Variants in GPHN observed in about 807,000 individuals in gnomAD.
The protein encoded by GPHN is gephyrin.
Under a neutral mutation model 95.5 loss-of-function variants are expected in GPHN, and 17 were observed. The observed-to-expected ratio is 0.18, with a 90% CI of 0.12 to 0.27. GPHN has a LOEUF of 0.27. Among genes scored for constraint, GPHN ranks in the 10% least tolerant of loss-of-function variants. The pLI is 1.00. For synonymous variants in GPHN, 320 were observed against 322.5 expected, an observed-to-expected ratio of 0.99 and a Z score of 0.08; for missense variants, 660 against 978.1, an observed-to-expected ratio of 0.67 and a Z score of 4.34.
At chr14:67,586,417 C>T in the GPHN span, 1 of 1,335,314 alleles carries the variant, frequency 7.5e-7, no homozygotes, top group Non-Finnish European at 9.8e-7. Flanking sequence ...TCTTCTCTTC[C>T]TTGCAGCAGT....
intron 5 of GPHN, among the ~76,000 whole-genome samples, chr14:66,894,323 A>T (rs974339836): frequency 2.0e-5 from 3 of 152,214 alleles, no homozygotes; most frequent in African/African-American, 7.2e-5. Flanking sequence ...AGTAAGCTGA[A>T]ACTGGATCCC....
chr14:67,561,935 C>G, the GPHN span: 1 of 1,590,470 alleles, frequency 6.3e-7, no homozygotes, highest in Non-Finnish European at 8.6e-7. Flanking sequence ...CCTAAATCTT[C>G]ATTTTTCTTT....
the GPHN span, among the ~76,000 whole-genome samples, chr14:67,711,823 C>G: frequency 6.6e-6 from 1 of 152,148 alleles, no homozygotes; most frequent in Non-Finnish European, 1.5e-5. Flanking sequence ...TCTGATGGTT[C>G]TAGAGGGAGA....
At chr14:66,775,715 A>G (rs897825798) in intron 2 of GPHN, among the ~76,000 whole-genome samples, 1 of 152,186 alleles carries the variant, frequency 6.6e-6, no homozygotes, top group African/African-American at 2.4e-5. Flanking sequence ...TAAATTAGAT[A>G]ATATATGATA....
At chr14:67,660,592 C>T in the GPHN span, among the ~76,000 whole-genome samples, 1 of 152,128 alleles carries the variant, frequency 6.6e-6, no homozygotes, top group Non-Finnish European at 1.5e-5. Flanking sequence ...TCTCCTGCTC[C>T]TCTTTCTGAA....
At chr14:67,526,696 A>C in the GPHN span, among the ~76,000 whole-genome samples, 1 of 152,178 alleles carries the variant, frequency 6.6e-6, no homozygotes, top group South Asian at 2.1e-4. Flanking sequence ...ATCTGGCCCT[A>C]CACCTGACTG....
At chr14:67,541,979 C>A in the GPHN span, 1 of 1,605,802 alleles carries the variant, frequency 6.2e-7, no homozygotes, top group Non-Finnish European at 8.5e-7. Context: ...GATAAGGGAG[C>A]TGCTGGCTGA....
At chr14:66,811,687 C>A (rs1160081066) in intron 3 of GPHN, among the ~76,000 whole-genome samples, 1 of 152,076 alleles carries the variant, frequency 6.6e-6, no homozygotes, top group Non-Finnish European at 1.5e-5. Context: ...TATAGTCATC[C>A]ATTTTTTGCA....
intron 13 of GPHN, among the ~76,000 whole-genome samples, chr14:67,102,877 A>G (rs1431688441): frequency 6.6e-6 from 1 of 152,092 alleles, no homozygotes; most frequent in East Asian, 1.9e-4. Context: ...AATTGAGGAG[A>G]TTCGCATGCA....
chr14:66,698,223 G>A (rs1484957154), intron 2 of GPHN, among the ~76,000 whole-genome samples: 2 of 152,062 alleles, frequency 1.3e-5, no homozygotes, highest in South Asian at 2.1e-4. Context: ...GTTAATGTTA[G>A]TCTTTAAACT....
chr14:67,058,657 G>A lies in GPHN; in HGVS notation c.1015G>A (p.Ala339Thr). The A allele has an allele frequency of 1.2e-6, 2 of 1,612,960 alleles. No homozygotes were observed. The highest frequency in any genetic ancestry group is 1.7e-6 in the Non-Finnish European group (2 of 1,178,936). Reference protein sequence around the residue: ...KENILRASHSAVDITKVARRH... With the variant: ...KENILRASHSTVDITKVARRH... ...ATTATCTTACTGTTTAGGTCACAGTGCTGTCGATATCACCAAGGTGGCTAG... is the reference window on the plus strand; with the variant it reads ...ATTATCTTACTGTTTAGGTCACAGTACTGTCGATATCACCAAGGTGGCTAG... Residue 339 changes from alanine to threonine, a missense_variant, in exon 11 of 23, where the codon GCT (alanine) becomes ACT (threonine). Coordinates refer to ENST00000478722, the MANE Select transcript of GPHN (RefSeq NM_020806.5).
At chr14:67,232,534 T>G in the GPHN span, among the ~76,000 whole-genome samples, 1 of 152,194 alleles carries the variant, frequency 6.6e-6, no homozygotes, top group African/African-American at 2.4e-5. Flanking sequence ...TACATTTGCA[T>G]GTAATTTTGT....
chr14:67,200,017 G>T, the GPHN span: 1 of 964,998 alleles, frequency 1.0e-6, no homozygotes. Context: ...TCATGGTTTA[G>T]GACATCCCCA....
chr14:67,539,099 C>G, the GPHN span, among the ~76,000 whole-genome samples: 19 of 152,130 alleles, frequency 1.2e-4, no homozygotes, highest in Admixed American at 1.2e-3. Flanking sequence ...AACTGAGTTG[C>G]GAGACTCCCA....
At position 67,181,319 on chromosome 14, in the gene GPHN, C is replaced by T. The variant is rs183636125; in HGVS notation, c.*382C>T. ...AAGGCTGTCTGCTTATTTATACTAG[C>T]GTAGGCAACACTTGGATTTCCCTTC... is the stretch of plus-strand genomic sequence containing the variant. On this transcript the variant is annotated 3_prime_UTR_variant, in exon 23 of 23. Coordinates refer to ENST00000478722, the MANE Select transcript of GPHN (RefSeq NM_020806.5). The T allele has an allele frequency of 1.5e-4, 66 of 433,264 alleles. No homozygotes were observed. Among genetic ancestry groups the T allele is most frequent in the Non-Finnish European group, 2.4e-4 (55 of 229,944 alleles). 26.8% of individuals were successfully genotyped at this position (433,264 alleles called of 1,614,324 possible).
chr14:67,242,014 C>T, the GPHN span: 1 of 152,252 alleles, frequency 6.6e-6, no homozygotes, highest in Non-Finnish European at 1.5e-5. Context: ...CGTTCTTAAA[C>T]ACGCAAACAG....
the GPHN span, among the ~76,000 whole-genome samples, chr14:67,405,427 A>G: frequency 1.3e-5 from 2 of 152,202 alleles, no homozygotes; most frequent in East Asian, 3.9e-4. Context: ...ATAATATGGC[A>G]CCAAGGCAAA....
the GPHN span, among the ~76,000 whole-genome samples, chr14:67,233,690 G>A: frequency 6.6e-6 from 1 of 152,230 alleles, no homozygotes; most frequent in African/African-American, 2.4e-5. Flanking sequence ...TGGCCTGGAG[G>A]AGGGTGGTAG....
intron 1 of GPHN, among the ~76,000 whole-genome samples, chr14:66,526,490 G>A (rs905122682): frequency 3.3e-5 from 5 of 152,118 alleles, no homozygotes; most frequent in African/African-American, 1.2e-4. Flanking sequence ...TTGCCTGATT[G>A]CCCTGGCCAG....
Sources: allele counts gnomAD v4.1 joint callset (sites outside exome capture counted in the v4.1 genomes callset), GRCh38; gene constraint gnomAD v4.1.1; transcripts MANE v1.5; gene names NCBI Gene and HGNC (gene_info 2026-07-23, HGNC 2026-07-21).